The following SPOCD1 variants were observed in gnomAD, a reference collection of about 807,000 sequenced individuals.
The protein encoded by SPOCD1 is SPOC domain-containing protein 1.
Under a neutral mutation model 92.2 loss-of-function variants are expected in SPOCD1, and 64 were observed. The ratio of observed to expected loss-of-function variants is 0.69; its 90% CI spans 0.57 to 0.86. The LOEUF is 0.86. SPOCD1 is among the 40% of genes least tolerant of loss of function. The pLI is 0.00. For missense variants in SPOCD1, 1,360 were observed against 1,543.1 expected (o/e 0.88, Z 1.99); for synonymous variants, 578 against 619.3 (o/e 0.93, Z 0.99).
At chr1:31,806,567 C>G (rs901152903) in intron 2 of SPOCD1, among the ~76,000 whole-genome samples, 18 of 148,142 alleles carry the variant, frequency 1.2e-4, no homozygotes, top group Non-Finnish European at 2.4e-4. Flanking sequence ...TTTTTTGAGA[C>G]GGAGTCTCAC....
intron 2 of SPOCD1, among the ~76,000 whole-genome samples, chr1:31,811,965 A>C (rs926797732): frequency 2.0e-5 from 3 of 152,220 alleles, no homozygotes; most frequent in Non-Finnish European, 4.4e-5. Context: ...AATTCTGGGC[A>C]TCTGGTCCAA....
chr1:31,796,555 GCTCT>G, intron 10 of SPOCD1, 31 bp downstream of exon 10: 1 of 1,614,208 alleles, frequency 6.2e-7, no homozygotes, highest in Non-Finnish European at 8.5e-7. Context: ...CCAGGCATGG[GCTCT>G]GCCCAGCACC....
rs763747944 is a variant in SPOCD1 at position 31,814,021 on chromosome 1, G to A, written c.1313C>T (p.Thr438Ile). The change falls in exon 2 of 16, where the codon ACA becomes ATA. Residue 438 changes from threonine (T) to isoleucine (I), a missense_variant. This residue lies in a region of SPOCD1 where 606 missense variants were observed against 601.5 expected (regional missense o/e 1.01). Coordinates refer to ENST00000360482, the MANE Select transcript of SPOCD1 (RefSeq NM_144569.7). This position sits in a 1 kb window ranked among gnomAD's most constrained non-coding sequence, Gnocchi z 4.2. Reference protein sequence around the residue: ...GPVPCAQDRGTDRSSDNSHQD... With the variant: ...GPVPCAQDRGIDRSSDNSHQD... Reference sequence around the variant, plus strand: ...GTGGGAGTTGTCTGAGCTTCTGTCTGTGCCCCGGTCTTGGGCACAGGGCAC... The same window carrying A: ...GTGGGAGTTGTCTGAGCTTCTGTCTATGCCCCGGTCTTGGGCACAGGGCAC... 4.3e-6 allele frequency: 7 copies of A among 1,610,284 alleles called. No individual in the cohort carries two copies. Among genetic ancestry groups the A allele is most frequent in the South Asian group, 1.1e-5 (1 of 90,174 alleles).
intron 14 of SPOCD1, 65 bp downstream of exon 14, chr1:31,792,613 A>G: frequency 7.4e-7 from 1 of 1,346,816 alleles, no homozygotes; most frequent in South Asian, 1.4e-5. Flanking sequence ...TCTGCTCTAG[A>G]AGTGGAGAGG....
At position 31,801,661 on chromosome 1, in the gene SPOCD1, T is replaced by C. The variant is rs1557824507; in HGVS notation, c.1425+3A>G. On this transcript the variant is annotated splice_donor_region_variant and intron_variant, in intron 3 of 15. Transcript: ENST00000360482. ...AAAGCAATAATAAAATGTAAAAACC[T>C]ACGTAGCACACAAGCTTCACTCCAT... The C allele has an allele frequency of 6.2e-7, 1 of 1,613,526 alleles. No homozygotes were observed. The highest frequency in any genetic ancestry group is 8.5e-7 in the Non-Finnish European group (1 of 1,179,608).
intron 2 of SPOCD1, among the ~76,000 whole-genome samples, chr1:31,809,573 AAATAAAT>A (rs1455571803): frequency 6.6e-6 from 1 of 152,066 alleles, no homozygotes; most frequent in African/African-American, 2.4e-5. Context: ...TGGAGTCAAC[AAATAAAT>A]AAATTGGGGC....
Position 31,814,981 on chromosome 1 carries a change from C to A in SPOCD1, c.353G>T (p.Arg118Met). Residue 118 changes from arginine (R) to methionine (M), a missense_variant, in exon 2 of 16, where the codon AGG becomes ATG. By Grantham distance (91) the Arg-to-Met change is moderately conservative (BLOSUM62 -1). Coordinates refer to ENST00000360482, the MANE Select transcript of SPOCD1 (RefSeq NM_144569.7). The surrounding 1 kb of genome is among the most constrained non-coding windows in gnomAD (Gnocchi z 4.2). ...GATGTCACACAGAGAAACCTGGAGC[C>A]TCTTGGAGGTCAGAGCTCTCCCCTG... Reference protein sequence around the residue: ...PTQGRALTSKRLQVSLCDILD... With the variant: ...PTQGRALTSKMLQVSLCDILD... The A allele has an allele frequency of 6.2e-7, 1 of 1,613,934 alleles. No individual in the cohort carries two copies. Among genetic ancestry groups the A allele is most frequent in the Non-Finnish European group, 8.5e-7 (1 of 1,180,012 alleles).
chr1:31,799,635 A>T (rs1570169143), intron 6 of SPOCD1, 150 bp from the exon 7 acceptor site: 2 of 1,090,796 alleles, frequency 1.8e-6, no homozygotes, highest in Non-Finnish European at 1.3e-6. Flanking sequence ...AGCCAAGCCC[A>T]GGCAGCCAGT....
rs1648272591 is a variant in SPOCD1 at position 31,799,422 on chromosome 1, A to G, written c.1847T>C (p.Met616Thr). The G allele has an allele frequency of 1.2e-6, 2 of 1,611,042 alleles. No individual in the cohort carries two copies. Among genetic ancestry groups the G allele is most frequent in the African/African-American group, 2.7e-5 (2 of 75,030 alleles). Residue 616 changes from methionine (M) to threonine (T), a missense_variant, in exon 7 of 16, where the codon ATG becomes ACG. This residue lies in a region of SPOCD1 where 606 missense variants were observed against 601.5 expected (regional missense o/e 1.01). Coordinates refer to ENST00000360482, the MANE Select transcript of SPOCD1 (RefSeq NM_144569.7). ...IGVRGTVVRS[M>T]QEVLWTRLRE... The stretch of plus-strand genomic sequence containing the variant: ...TCACCGAGTCCATAGTACCTCCTGC[A>G]TGGAACGGACAACAGTGCCCCGCAC...
chr1:31,790,726 G>A lies in SPOCD1; in HGVS notation c.3528C>T (p.Pro1176=), dbSNP rs1278766731. Residue 1176 remains proline, a synonymous_variant, in exon 16 of 16, where the codon CCC becomes CCT. Transcript: ENST00000360482. ...LLCPQTKSSI[P]RPLQRLSSAL... is the part of the protein sequence containing the mutation. ...CGCTAGACAAACGCTGCAGAGGGCG[G>A]GGGATGGAGCTCTTGGTCTGGGGGC... The A allele has an allele frequency of 2.6e-6, 4 of 1,551,926 alleles. No individual in the cohort carries two copies. The African/African-American group carries it at 5.5e-5, about 21-fold the overall frequency.
chr1:31,796,259 G>A lies in SPOCD1; in HGVS notation c.2271+331C>T, dbSNP rs75902143. The A allele has an allele frequency of 8.4e-3, 3,471 of 412,876 alleles. 100 individuals carry two copies. Among genetic ancestry groups the A allele is most frequent in the African/African-American group, 0.064 (3,154 of 49,052 alleles). 25.6% of individuals were successfully genotyped at this position (412,876 alleles called of 1,614,324 possible). A position where few individuals can be genotyped will look rare whatever the true frequency, so the allele number is the denominator to read the frequency against. On this transcript the variant is annotated intron_variant, in intron 10 of 15. Transcript: ENST00000360482. The stretch of plus-strand genomic sequence containing the variant: ...TGAAAAAGTCACTGCCTGGAACAGC[G>A]CAGCCTGCTGCTTCCCAGCAGAGAT...
At chr1:31,794,513 T>C in intron 10 of SPOCD1, 1 of 229,492 alleles carries the variant, frequency 4.4e-6, no homozygotes, top group Non-Finnish European at 8.4e-6. Context: ...TTTTTTTTTT[T>C]TTGTTTGTTT....
rs768864383 is a variant in SPOCD1, at chr1:31,814,965, C to A, written c.369G>T (p.Leu123=). 4 of 1,613,982 alleles carry A rather than the reference C, an allele frequency of 2.5e-6. No individual in the cohort carries two copies. In the Middle Eastern group the frequency reaches 4.9e-4, roughly 200 times the overall value. ...ALTSKRLQVS[L]CDILDDSCPR... ...GGCAACTGTCATCTAAGATGTCACA[C>A]AGAGAAACCTGGAGCCTCTTGGAGG... is the stretch of plus-strand genomic sequence containing the variant. Residue 123 remains leucine, a synonymous_variant, in exon 2 of 16, where the codon CTG becomes CTT. Transcript: ENST00000360482. The surrounding 1 kb of genome is among the most constrained non-coding windows in gnomAD (Gnocchi z 4.2).
intron 5 of SPOCD1, 54 bp from the exon 6 acceptor site, chr1:31,799,917 C>T (rs1052994048): frequency 2.2e-5 from 35 of 1,613,566 alleles, no homozygotes; most frequent in Middle Eastern, 1.6e-4. Flanking sequence ...GGCTTCCAGC[C>T]CAGGGGACAC....
chr1:31,799,716 A>G, intron 6 of SPOCD1, 93 bp downstream of exon 6: 1 of 1,469,806 alleles, frequency 6.8e-7, no homozygotes, highest in Non-Finnish European at 9.4e-7. Flanking sequence ...GAGAAGAATC[A>G]TAGCAGGGGC....
intron 2 of SPOCD1, among the ~76,000 whole-genome samples, chr1:31,809,228 AAG>A (rs1464059872): frequency 6.6e-6 from 1 of 152,208 alleles, no homozygotes; most frequent in African/African-American, 2.4e-5. Flanking sequence ...GCTCCTTAGT[AAG>A]AGGGCAGTGG....
At chr1:31,815,397 CTT>C (rs960228244) in intron 1 of SPOCD1, 25 bp from the exon 2 acceptor site, 243 of 1,481,036 alleles carry the variant, frequency 1.6e-4, no homozygotes, top group Admixed American at 1.1e-3. Context: ...AAAGAGGAGA[CTT>C]TGTCTTGGAG....
intron 2 of SPOCD1, 113 bp downstream of exon 2, chr1:31,813,838 A>G: frequency 1.0e-6 from 1 of 964,082 alleles, no homozygotes; most frequent in Non-Finnish European, 1.5e-6. Context: ...TAGGGATGTG[A>G]GAATGTTCAT....
Position 31,814,813 on chromosome 1 carries a change from G to T in SPOCD1, c.521C>A (p.Ser174Tyr), listed in dbSNP as rs754593420. The T allele has an allele frequency of 1.5e-5, 24 of 1,612,800 alleles. 1 individual carries two copies. In the South Asian group the frequency reaches 1.8e-4, roughly 12 times the overall value. Residue 174 changes from serine (S) to tyrosine (Y), a missense_variant, in exon 2 of 16, where the codon TCT (serine) becomes TAT (tyrosine). Around this residue, in one of 3 missense-constraint regions of SPOCD1, gnomAD observed 606 missense variants for 601.5 expected, o/e 1.01. Coordinates refer to ENST00000360482, the MANE Select transcript of SPOCD1 (RefSeq NM_144569.7). This position sits in a 1 kb window ranked among gnomAD's most constrained non-coding sequence, Gnocchi z 4.2. ...PREARDGGMS[S>Y]PGCDRRSPTL... Reference sequence around the variant, plus strand: ...GGGGCTTCTTCTGTCACACCCTGGAGAACTCATTCCACCGTCTCTGGCCTC... The same window carrying T: ...GGGGCTTCTTCTGTCACACCCTGGATAACTCATTCCACCGTCTCTGGCCTC...
Sources: allele counts gnomAD v4.1 joint callset (sites outside exome capture counted in the v4.1 genomes callset), GRCh38; gene constraint gnomAD v4.1.1; regional missense constraint gnomAD v4.1.1; non-coding constraint Gnocchi (gnomAD v3.1); transcripts MANE v1.5; gene names NCBI Gene and HGNC (gene_info 2026-07-23, HGNC 2026-07-21).